The following CDH18 variants were observed in gnomAD, a reference collection of about 807,000 sequenced individuals.
The protein encoded by CDH18 is cadherin 18.
Under a neutral mutation model 67.9 loss-of-function variants are expected in CDH18, and 31 were observed. The ratio of observed to expected loss-of-function variants is 0.46; its 90% confidence interval spans 0.34 to 0.62. The LOEUF is 0.62. Ranked by LOEUF, CDH18 falls within the 20% of genes least tolerant of loss-of-function variation. The pLI, the probability that CDH18 is intolerant of heterozygous loss-of-function variation, is 0.01. For missense variants in CDH18, 890 were observed against 975.5 expected (o/e 0.91, Z 1.17); for synonymous variants, 362 against 347.2 (o/e 1.04, Z -0.48).
At chr5:19,887,982 ATGGTG>A (rs919734870) in intron 2 of CDH18, among the ~76,000 whole-genome samples, 70 of 152,254 alleles carry the variant, frequency 4.6e-4, no homozygotes, top group African/African-American at 1.7e-3. Flanking sequence ...ACACAATTGC[ATGGTG>A]TGGCCACCAC....
chr5:19,585,322 C>T (rs1255877316), intron 7 of CDH18, among the ~76,000 whole-genome samples: 1 of 152,110 alleles, frequency 6.6e-6, no homozygotes, highest in Non-Finnish European at 1.5e-5. Context: ...TCAAACCATC[C>T]ACTGCCACTT....
At chr5:20,010,067 G>C (rs1226275175) in intron 2 of CDH18, among the ~76,000 whole-genome samples, 3 of 151,434 alleles carry the variant, frequency 2.0e-5, no homozygotes, top group Non-Finnish European at 4.4e-5. Context: ...CTTCTTGGGA[G>C]ATCTGTCAAC....
At chr5:20,178,998 T>C (rs1580415913) in intron 2 of CDH18, among the ~76,000 whole-genome samples, 1 of 152,150 alleles carries the variant, frequency 6.6e-6, no homozygotes, top group Non-Finnish European at 1.5e-5. Flanking sequence ...AGTGGATATC[T>C]TCTCCAGAAG....
intron 1 of CDH18, among the ~76,000 whole-genome samples, chr5:20,344,938 G>A (rs1740583774): frequency 6.6e-6 from 1 of 152,104 alleles, no homozygotes; most frequent in South Asian, 2.1e-4. Context: ...GTTCTAACTT[G>A]CATAGTTAAA....
chr5:19,823,847 A>G (rs1780140461), intron 3 of CDH18, among the ~76,000 whole-genome samples: 1 of 152,204 alleles, frequency 6.6e-6, no homozygotes, highest in Non-Finnish European at 1.5e-5. Context: ...GTCTCAATCA[A>G]TTCAAAAGTA....
At chr5:20,182,492 C>T (rs1336025217) in intron 2 of CDH18, among the ~76,000 whole-genome samples, 2 of 149,616 alleles carry the variant, frequency 1.3e-5, no homozygotes, top group African/African-American at 2.5e-5. Flanking sequence ...ATCCCAGCTA[C>T]TCAAGAGACT....
At chr5:19,890,665 G>C (rs897676973) in intron 2 of CDH18, among the ~76,000 whole-genome samples, 2 of 150,878 alleles carry the variant, frequency 1.3e-5, no homozygotes, top group African/African-American at 4.9e-5. Flanking sequence ...CATAATCTTG[G>C]CTCACTGCAA....
At chr5:19,516,019 T>G (rs1180668543) in intron 10 of CDH18, among the ~76,000 whole-genome samples, 1 of 152,202 alleles carries the variant, frequency 6.6e-6, no homozygotes, top group African/African-American at 2.4e-5. Context: ...TTGAGATACA[T>G]TCCATCAATA....
chr5:19,949,648 A>G (rs1795597509), intron 2 of CDH18, among the ~76,000 whole-genome samples: 1 of 152,120 alleles, frequency 6.6e-6, no homozygotes, highest in Non-Finnish European at 1.5e-5. Flanking sequence ...GGAAAGTGCA[A>G]AAAGATTATG....
At chr5:19,985,532 C>G (rs1376482028) in intron 1 of CDH18, among the ~76,000 whole-genome samples, 1 of 151,932 alleles carries the variant, frequency 6.6e-6, no homozygotes, top group African/African-American at 2.4e-5. Context: ...GGTGCTACTA[C>G]TGGGATCTAG....
At chr5:20,104,369 C>T (rs982532803) in intron 2 of CDH18, among the ~76,000 whole-genome samples, 23 of 151,768 alleles carry the variant, frequency 1.5e-4, no homozygotes, top group Admixed American at 1.4e-3. Context: ...AGTCTGAATC[C>T]CTGCTCCATA....
chr5:19,680,553 T>G (rs1760143013), intron 5 of CDH18, among the ~76,000 whole-genome samples: 1 of 151,504 alleles, frequency 6.6e-6, no homozygotes, highest in Non-Finnish European at 1.5e-5. Flanking sequence ...CCAGAATCCA[T>G]AAATAAGTAA....
chr5:20,283,623 A>C (rs756205448), intron 1 of CDH18, among the ~76,000 whole-genome samples: 7 of 152,056 alleles, frequency 4.6e-5, no homozygotes, highest in Admixed American at 1.3e-4. Flanking sequence ...AAGTACGTAG[A>C]GAAAAGGGAA....
intron 8 of CDH18, among the ~76,000 whole-genome samples, chr5:19,560,082 T>C (rs1296739184): frequency 1.3e-5 from 2 of 151,878 alleles, no homozygotes; most frequent in Non-Finnish European, 2.9e-5. Context: ...AAAATGGCCA[T>C]ACTGCCAAAA....
At chr5:20,464,829 G>C (rs1051705274) in intron 1 of CDH18, among the ~76,000 whole-genome samples, 1 of 152,088 alleles carries the variant, frequency 6.6e-6, no homozygotes, top group East Asian at 1.9e-4. Flanking sequence ...GGAAATAGCT[G>C]TGTTACTATG....
chr5:20,431,398 C>A (rs1478398418), intron 1 of CDH18, among the ~76,000 whole-genome samples: 2 of 145,414 alleles, frequency 1.4e-5, no homozygotes, highest in African/African-American at 5.1e-5. Flanking sequence ...GAGGCTAAGG[C>A]AGGAGAATTG....
chr5:19,884,626 C>T (rs1788005399), intron 2 of CDH18, among the ~76,000 whole-genome samples: 1 of 151,740 alleles, frequency 6.6e-6, no homozygotes, highest in Non-Finnish European at 1.5e-5. Context: ...AAATGTTTTA[C>T]ATACTTATGA....
At chr5:20,142,701 T>C (rs931286660) in intron 2 of CDH18, among the ~76,000 whole-genome samples, 1 of 152,118 alleles carries the variant, frequency 6.6e-6, no homozygotes, top group Non-Finnish European at 1.5e-5. Context: ...AAAAAGGCAG[T>C]GACGGGGTGA....
chr5:19,495,717 C>CAAAAAAAAAA (rs749003068), intron 11 of CDH18, among the ~76,000 whole-genome samples: 5 of 46,542 alleles, frequency 1.1e-4, no homozygotes, highest in Admixed American at 2.7e-4. Flanking sequence ...GAAACTGTCT[C>CAAAAAAAAAA]AAAAAAAAAA....
Sources: gnomAD v4.1 joint callset for allele counts (sites outside exome capture counted in the v4.1 genomes callset) on GRCh38, gnomAD v4.1.1 for gene constraint, MANE v1.5 for transcripts, NCBI Gene and HGNC (gene_info 2026-07-23, HGNC 2026-07-21) for gene names.